RFX6: variants seen among roughly 807,000 people sequenced by gnomAD.
The protein encoded by RFX6 is DNA-binding protein RFX6.
In RFX6, 50 loss-of-function variants were observed where a neutral mutation model predicts 110.8. That is an observed-to-expected ratio of 0.45 (90% confidence interval 0.36 to 0.57). The LOEUF (loss-of-function observed/expected upper bound fraction) is 0.57, where lower values mean the gene tolerates loss of function less well. Ranked by LOEUF, RFX6 falls within the 20% of genes least tolerant of loss-of-function variation. The pLI is 0.00. For missense variants in RFX6, 990 were observed against 1,127.0 expected, an observed-to-expected ratio of 0.88 and a Z score of 1.74; for synonymous variants, 383 against 411.2, an observed-to-expected ratio of 0.93 and a Z score of 0.83.
chr6:116,919,408 A>C, intron 11 of RFX6, 112 bp downstream of exon 11: 1 of 931,702 alleles, frequency 1.1e-6, no homozygotes, highest in Admixed American at 1.7e-5. Context: ...GTAGACAACA[A>C]CTAAATGCAA....
intron 12 of RFX6, among the ~76,000 whole-genome samples, chr6:116,921,131 G>A (rs1372527765): frequency 1.3e-5 from 2 of 152,102 alleles, no homozygotes; most frequent in Non-Finnish European, 2.9e-5. Flanking sequence ...AAAACCTGCA[G>A]CCTCCTATAC....
intron 6 of RFX6, among the ~76,000 whole-genome samples, chr6:116,896,589 C>T (rs1774949463): frequency 2.1e-5 from 1 of 47,998 alleles, no homozygotes; most frequent in Admixed American, 2.2e-4. Context: ...CCTGTAATCC[C>T]AGCTACTCAA....
At chr6:116,901,720 G>A (rs1266316781) in intron 6 of RFX6, among the ~76,000 whole-genome samples, 2 of 152,082 alleles carry the variant, frequency 1.3e-5, no homozygotes, top group Non-Finnish European at 2.9e-5. Context: ...TATTACATTA[G>A]CAATAACTAA....
chr6:116,931,317 A>C lies in RFX6; in HGVS notation c.2612-14A>C. On this transcript the variant is annotated splice_polypyrimidine_tract_variant and intron_variant, in intron 18 of 18. Coordinates refer to ENST00000332958, the MANE Select transcript of RFX6 (RefSeq NM_173560.4). ...CAATCAATTTTCAATTGCTGATTAT[A>C]TTTTCCCTTACAGCTTCCAGTTTGC... The C allele has an allele frequency of 6.3e-7, 1 of 1,595,200 alleles. No homozygotes were observed. The highest frequency in any genetic ancestry group is 8.6e-7 in the Non-Finnish European group (1 of 1,162,930).
intron 6 of RFX6, among the ~76,000 whole-genome samples, chr6:116,903,186 T>C (rs1214282948): frequency 6.6e-6 from 1 of 152,072 alleles, no homozygotes; most frequent in East Asian, 1.9e-4. Context: ...CTGGATATTA[T>C]TCGATTTATG....
intron 4 of RFX6, among the ~76,000 whole-genome samples, chr6:116,884,533 A>G (rs1412775769): frequency 6.6e-6 from 1 of 152,112 alleles, no homozygotes; most frequent in Non-Finnish European, 1.5e-5. Context: ...AGTTTAACTG[A>G]CTGATTTCTA....
rs146991192 is a variant in RFX6, at chr6:116,895,645, T to TACACACACAC, written c.672+461_672+470dup. 2.8e-3 allele frequency among the ~76,000 whole-genome samples: 418 copies of TACACACACAC among 147,938 alleles called. 3 individuals carry two copies. The highest frequency in any genetic ancestry group is 5.4e-3 in the African/African-American group (216 of 40,208). ...CTATGGTTTGTTTTACTACTTTGTG[T>TACACACACAC]ACACACACACACACACACACACACA... On this transcript the variant is annotated intron_variant, in intron 6 of 18. Transcript: ENST00000332958.
chr6:116,923,163 G>A lies in RFX6; in HGVS notation c.1494G>A (p.Lys498=). ...LKKRAQDFLL[K]WSFFGARVMH... ...AGAGAGCTCAAGACTTTCTGTTAAA[G>A]TGGAGTTTTTTTGGTGCTCGAGTAA... Residue 498 remains lysine, a synonymous_variant, in exon 14 of 19, where the codon AAG becomes AAA. Transcript: ENST00000332958. 6.2e-7 allele frequency: 1 copy of A among 1,611,100 alleles called. No homozygotes were observed. Among genetic ancestry groups the A allele is most frequent in the African/African-American group, 1.3e-5 (1 of 74,978 alleles).
chr6:116,922,798 A>G lies in RFX6; in HGVS notation c.1438-309A>G, dbSNP rs147705291. On this transcript the variant is annotated intron_variant, in intron 13 of 18. Transcript: ENST00000332958. ...ATATATAGCCCTTCCTTCACACCTC[A>G]CCTTCTGTTCTTTTTAAAGCTCTGT... Among the ~76,000 whole-genome samples the G allele has an allele frequency of 1.5e-4, 23 of 152,188 alleles. No homozygotes were observed. The East Asian group carries it at 3.9e-3, about 26-fold the overall frequency.
At chr6:116,926,758 T>C (rs767317142) in intron 16 of RFX6, among the ~76,000 whole-genome samples, 1 of 152,182 alleles carries the variant, frequency 6.6e-6, no homozygotes, top group Admixed American at 6.5e-5. Flanking sequence ...GTCCTCCCCA[T>C]GCTACCTGTG....
intron 7 of RFX6, among the ~76,000 whole-genome samples, chr6:116,913,153 C>T (rs1775390947): frequency 6.6e-6 from 1 of 152,158 alleles, no homozygotes; most frequent in Admixed American, 6.5e-5. Flanking sequence ...GCAACCTTTG[C>T]CTCCCTGGTT....
At chr6:116,901,163 G>T in intron 6 of RFX6, among the ~76,000 whole-genome samples, 1 of 152,124 alleles carries the variant, frequency 6.6e-6, no homozygotes, top group East Asian at 1.9e-4. Context: ...GGTAGGCTAG[G>T]CTAAGTTATA....
At chr6:116,904,837 T>TGTCA (rs1461994833) in intron 6 of RFX6, among the ~76,000 whole-genome samples, 4 of 152,218 alleles carry the variant, frequency 2.6e-5, no homozygotes, top group Non-Finnish European at 1.5e-5. Flanking sequence ...TTGTAGCATA[T>TGTCA]GTCAGAACAT....
intron 14 of RFX6, 131 bp from the exon 15 acceptor site, chr6:116,924,537 AT>A: frequency 1.2e-6 from 1 of 822,886 alleles, no homozygotes; most frequent in South Asian, 1.4e-5. Flanking sequence ...GTATTTGTTT[AT>A]TTCAGTTGCT....
intron 4 of RFX6, among the ~76,000 whole-genome samples, chr6:116,883,462 A>G (rs940493687): frequency 6.6e-6 from 1 of 152,148 alleles, no homozygotes; most frequent in African/African-American, 2.4e-5. Flanking sequence ...TTAATTCAAA[A>G]ATTTCTGGAA....
At chr6:116,902,116 C>G (rs1775088429) in intron 6 of RFX6, among the ~76,000 whole-genome samples, 1 of 151,730 alleles carries the variant, frequency 6.6e-6, no homozygotes, top group South Asian at 2.1e-4. Flanking sequence ...TGTATTATAC[C>G]AGTTTTAAAG....
chr6:116,918,028 A>G lies in RFX6; in HGVS notation c.973-9A>G, dbSNP rs1393513943. ...AAGATTTGTATTAACCTCTTTTGCT[A>G]TGATTAAGGTTCTTACAGATGTACT... On this transcript the variant is annotated splice_polypyrimidine_tract_variant and intron_variant, in intron 9 of 18. Transcript: ENST00000332958. The G allele has an allele frequency of 1.9e-6, 3 of 1,592,874 alleles. No individual in the cohort carries two copies.
intron 4 of RFX6, among the ~76,000 whole-genome samples, chr6:116,890,645 G>C (rs1310366926): frequency 6.6e-6 from 1 of 152,126 alleles, no homozygotes; most frequent in African/African-American, 2.4e-5. Flanking sequence ...AATAAGAAAA[G>C]TACATGCCAT....
chr6:116,894,882 A>C (rs1297511739), intron 5 of RFX6, among the ~76,000 whole-genome samples: 1 of 152,132 alleles, frequency 6.6e-6, no homozygotes, highest in Admixed American at 6.5e-5. Context: ...CCACCACCCC[A>C]CTATAAAATG....
Sources: allele counts gnomAD v4.1 joint callset (sites outside exome capture counted in the v4.1 genomes callset), GRCh38; gene constraint gnomAD v4.1.1; transcripts MANE v1.5; gene names NCBI Gene and HGNC (gene_info 2026-07-23, HGNC 2026-07-21).